The following RAPGEF5 variants were observed in gnomAD, a reference collection of about 807,000 sequenced individuals.
The protein encoded by RAPGEF5 is Rap guanine nucleotide exchange factor 5.
In RAPGEF5, 65 loss-of-function variants were observed where a neutral mutation model predicts 125.2. The ratio of observed to expected loss-of-function variants is 0.52; its 90% CI spans 0.43 to 0.64. The LOEUF is 0.64. Among genes scored for constraint, RAPGEF5 ranks in the 30% least tolerant of loss-of-function variants. RAPGEF5 has a pLI of 0.00. For synonymous variants in RAPGEF5, 391 were observed against 385.9 expected (o/e 1.01, Z -0.16); for missense variants, 958 against 1,048.1 (o/e 0.91, Z 1.19).
At chr7:22,247,620 T>A (rs1239794951) in intron 7 of RAPGEF5, among the ~76,000 whole-genome samples, 1 of 152,142 alleles carries the variant, frequency 6.6e-6, no homozygotes, top group East Asian at 1.9e-4. Context: ...CCCATTCATG[T>A]GGAACTGTGA....
At chr7:22,248,131 A>T (rs562085450) in intron 7 of RAPGEF5, among the ~76,000 whole-genome samples, 99 of 152,046 alleles carry the variant, frequency 6.5e-4, no homozygotes, top group African/African-American at 2.0e-3. Context: ...TAAAGTTGAA[A>T]TTTTTTTTTA....
chr7:22,179,666 T>G (rs950577653), intron 11 of RAPGEF5, among the ~76,000 whole-genome samples: 2 of 144,982 alleles, frequency 1.4e-5, no homozygotes, highest in African/African-American at 5.1e-5. Flanking sequence ...TAAAACAACA[T>G]GTGGTAAAGA....
intron 1 of RAPGEF5, among the ~76,000 whole-genome samples, chr7:22,343,681 A>C (rs1470599181): frequency 6.6e-6 from 1 of 152,170 alleles, no homozygotes; most frequent in African/African-American, 2.4e-5. Context: ...AAACCATGAA[A>C]AATGTGTTTT....
At chr7:22,204,277 T>C (rs1785348277) in intron 9 of RAPGEF5, among the ~76,000 whole-genome samples, 1 of 152,216 alleles carries the variant, frequency 6.6e-6, no homozygotes, top group Admixed American at 6.5e-5. Flanking sequence ...ACTGAAATTA[T>C]TTGAAAAAGC....
chr7:22,255,195 G>A (rs955612351), intron 7 of RAPGEF5, among the ~76,000 whole-genome samples: 3 of 152,148 alleles, frequency 2.0e-5, no homozygotes, highest in Non-Finnish European at 4.4e-5. Flanking sequence ...AATCAAAGAT[G>A]TATCCTATAT....
In RAPGEF5 at chr7:22,156,833, C is replaced by T. The variant is rs753921639; in HGVS notation, c.1613G>A (p.Gly538Glu). 6 of 1,613,742 alleles carry T rather than the reference C, an allele frequency of 3.7e-6. No homozygotes were observed. Among genetic ancestry groups the T allele is most frequent in the Non-Finnish European group, 5.1e-6 (6 of 1,179,852 alleles). ...ACTTTCCTCCGTTTCAGTCACAGTT[C>T]CTCTATGCTGGAGCCAGTTCTCCTT... ...SLKENWLQHR[G>E]TVTETEEIFC... The change falls in exon 16 of 26, where the codon GGA becomes GAA. Residue 538 changes from glycine (G) to glutamate (E), a missense_variant. Gly to Glu is a moderately conservative substitution (Grantham distance 98). Transcript: ENST00000665637.
chr7:22,241,442 G>C (rs1786328810), intron 7 of RAPGEF5, among the ~76,000 whole-genome samples: 1 of 152,038 alleles, frequency 6.6e-6, no homozygotes, highest in South Asian at 2.1e-4. Context: ...AAATAAGACT[G>C]GAAAATTTGC....
chr7:22,293,158 G>A (rs758813586), intron 5 of RAPGEF5, among the ~76,000 whole-genome samples: 4 of 152,270 alleles, frequency 2.6e-5, no homozygotes, highest in Admixed American at 6.5e-5. Flanking sequence ...CAAGATTTAA[G>A]CCCAGAACTC....
At chr7:22,278,794 A>T (rs1301657875) in intron 6 of RAPGEF5, among the ~76,000 whole-genome samples, 1 of 150,890 alleles carries the variant, frequency 6.6e-6, no homozygotes, top group Non-Finnish European at 1.5e-5. Context: ...AAAACAACAA[A>T]ACACACACTT....
At chr7:22,279,415 T>C (rs1232139802) in intron 6 of RAPGEF5, among the ~76,000 whole-genome samples, 2 of 152,222 alleles carry the variant, frequency 1.3e-5, no homozygotes, top group Non-Finnish European at 2.9e-5. Context: ...AAACTTGCTC[T>C]GTTATCTACT....
intron 9 of RAPGEF5, among the ~76,000 whole-genome samples, chr7:22,214,057 A>G (rs2128131237): frequency 6.6e-6 from 1 of 152,324 alleles, no homozygotes; most frequent in Non-Finnish European, 1.5e-5. Context: ...AGAATACTCC[A>G]AACCACTTCT....
intron 1 of RAPGEF5, among the ~76,000 whole-genome samples, chr7:22,319,939 T>C (rs932946032): frequency 2.0e-5 from 3 of 151,910 alleles, no homozygotes; most frequent in African/African-American, 7.3e-5. Flanking sequence ...AATCTGGCTG[T>C]CTACACACTC....
chr7:22,321,301 T>C (rs1443764459), intron 1 of RAPGEF5, among the ~76,000 whole-genome samples: 2 of 152,194 alleles, frequency 1.3e-5, no homozygotes, highest in Non-Finnish European at 2.9e-5. Flanking sequence ...CAACCATATA[T>C]TACATTTTTA....
chr7:22,165,885 G>T (rs953515254), intron 12 of RAPGEF5, among the ~76,000 whole-genome samples: 1 of 151,406 alleles, frequency 6.6e-6, no homozygotes, highest in Admixed American at 6.6e-5. Flanking sequence ...GCACGGTCTC[G>T]GCTCACTGCA....
intron 11 of RAPGEF5, among the ~76,000 whole-genome samples, chr7:22,187,096 A>AT: frequency 6.6e-6 from 1 of 152,340 alleles, no homozygotes. Flanking sequence ...GGCTGAAGAA[A>AT]TGTAGCAGTA....
At chr7:22,211,827 C>T (rs1040023824) in intron 9 of RAPGEF5, among the ~76,000 whole-genome samples, 1 of 152,174 alleles carries the variant, frequency 6.6e-6, no homozygotes, top group Admixed American at 6.5e-5. Flanking sequence ...GTCCTGCATC[C>T]TCCAGCTCCT....
intron 11 of RAPGEF5, chr7:22,191,297 G>A (rs1011203638): frequency 4.0e-5 from 8 of 201,126 alleles, no homozygotes; most frequent in Non-Finnish European, 6.4e-5. Context: ...TCCAAGTGCC[G>A]TTCTTGAAGT....
chr7:22,221,971 G>A (rs1179695383), intron 8 of RAPGEF5, among the ~76,000 whole-genome samples: 2 of 152,200 alleles, frequency 1.3e-5, no homozygotes, highest in Admixed American at 1.3e-4. Flanking sequence ...TTCTGGCCGG[G>A]TGCAGTGGCT....
At chr7:22,277,753 T>G (rs975515006) in intron 6 of RAPGEF5, among the ~76,000 whole-genome samples, 2 of 152,200 alleles carry the variant, frequency 1.3e-5, no homozygotes, top group African/African-American at 4.8e-5. Flanking sequence ...AATGACATGA[T>G]GACCCCTTCT....
Sources: allele counts gnomAD v4.1 joint callset (sites outside exome capture counted in the v4.1 genomes callset), GRCh38; gene constraint gnomAD v4.1.1; transcripts MANE v1.5; gene names NCBI Gene and HGNC (gene_info 2026-07-23, HGNC 2026-07-21).